DNAH17: variants seen among roughly 807,000 people sequenced by gnomAD.
DNAH17 encodes axonemal beta dynein heavy chain 17.
Under a neutral mutation model 485.6 loss-of-function variants are expected in DNAH17, and 376 were observed. That is an observed-to-expected ratio of 0.77 (90% CI 0.71 to 0.84). The LOEUF (loss-of-function observed/expected upper bound fraction) is 0.84. DNAH17 is among the 40% of genes least tolerant of loss of function. The pLI is 0.00. For synonymous variants in DNAH17, 3,031 were observed against 2,405.9 expected (o/e 1.26, Z -7.60); for missense variants, 6,370 against 5,839.3 (o/e 1.09, Z -2.96).
chr17:78,451,415 C>A (rs1374402420), intron 66 of DNAH17, 54 bp downstream of exon 66: 9 of 1,521,556 alleles, frequency 5.9e-6, no homozygotes, highest in Non-Finnish European at 8.9e-7. Context: ...GTGACCTGGC[C>A]CCCTCTGTGT....
chr17:78,467,305 C>G (rs554606125), intron 55 of DNAH17, among the ~76,000 whole-genome samples: 98 of 152,346 alleles, frequency 6.4e-4, no homozygotes, highest in Non-Finnish European at 2.2e-4. Context: ...TGTAATGGGT[C>G]TCAGCCTCCC....
At chr17:78,518,796 G>A (rs990171672) in intron 25 of DNAH17, among the ~76,000 whole-genome samples, 2 of 152,166 alleles carry the variant, frequency 1.3e-5, no homozygotes, top group African/African-American at 4.8e-5. Flanking sequence ...GTTATATACA[G>A]TGTGTTCTTT....
intron 14 of DNAH17, among the ~76,000 whole-genome samples, chr17:78,557,636 CAAAAAAAAAAAAAA>C (rs34251460): frequency 1.0e-4 from 3 of 29,014 alleles, no homozygotes; most frequent in East Asian, 1.7e-3. Context: ...GAGACTGTCT[CAAAAAAAAAAAAAA>C]AAAAAAAAAA....
intron 41 of DNAH17, 97 bp from the exon 42 acceptor site, chr17:78,492,862 T>TTTTTTTTTTTC: frequency 1.9e-6 from 2 of 1,071,246 alleles, no homozygotes; most frequent in Non-Finnish European, 1.3e-6. Flanking sequence ...ATGGTTTTTT[T>TTTTTTTTTTTC]TTTTTTGAGA....
In DNAH17 at chr17:78,506,552, G is replaced by A. The variant is rs6501226; in HGVS notation, c.4803+168C>T. Among the ~76,000 whole-genome samples the A allele has an allele frequency of 0.67, 102,476 of 152,042 alleles. 34,844 individuals carry two copies. Among genetic ancestry groups the A allele is most frequent in the African/African-American group, 0.74 (30,734 of 41,452 alleles). On this transcript the variant is annotated intron_variant, in intron 30 of 80. Transcript: ENST00000389840. ...GTGAGGCGAGTCCTGCCACGTTTCT[G>A]CCATGGCTGGGGACCCCAGGGCAGC...
Position 78,427,018 on chromosome 17 carries a change from A to G in DNAH17, c.12679T>C (p.Tyr4227His). The change falls in exon 78 of 81, where the codon TAC (tyrosine) becomes CAC (histidine). Residue 4227 changes from tyrosine to histidine, a missense_variant. By Grantham distance (83) the Tyr-to-His change is moderately conservative. Coordinates refer to ENST00000389840, the MANE Select transcript of DNAH17 (RefSeq NM_173628.4). ...IMAKAAEKTP[Y>H]VVVAFQECER... is the part of the protein sequence containing the mutation. ...CATTCTTGAAAGGCGACTACCACGTAGGGGGTCTTTTCCGCTGCCTTTGCC... is the reference window on the plus strand; with the variant it reads ...CATTCTTGAAAGGCGACTACCACGTGGGGGGTCTTTTCCGCTGCCTTTGCC... 1.2e-6 allele frequency: 2 copies of G among 1,608,508 alleles called. No homozygotes were observed. Among genetic ancestry groups the G allele is most frequent in the Non-Finnish European group, 1.7e-6 (2 of 1,177,592 alleles).
intron 77 of DNAH17, among the ~76,000 whole-genome samples, chr17:78,427,496 G>C (rs2086517222): frequency 6.6e-6 from 1 of 152,202 alleles, no homozygotes; most frequent in Admixed American, 6.5e-5. Context: ...CCCTGTTAAG[G>C]AGTGGCCCAC....
chr17:78,428,728 T>G (rs756814353), intron 76 of DNAH17, 21 bp from the exon 77 acceptor site: 2 of 1,612,636 alleles, frequency 1.2e-6, no homozygotes, highest in Non-Finnish European at 1.7e-6. Flanking sequence ...GGGCAGTTTG[T>G]AAGCAGAGGC....
rs2088029685 is a variant in DNAH17, at chr17:78,460,183, C to T, written c.9414G>A (p.Glu3138=). 6.2e-7 allele frequency: 1 copy of T among 1,608,510 alleles called. No homozygotes were observed. The highest frequency in any genetic ancestry group is 8.5e-7 in the Non-Finnish European group (1 of 1,177,124). ...KAEPALLAAQ[E]ALDTLNKNNL... is the part of the protein sequence containing the mutation. ...TTACCTTATTCAGAGTGTCCAGAGCCTCCTGGGCTGCCAGCAGGGCCGGTT... is the reference window on the plus strand; with the variant it reads ...TTACCTTATTCAGAGTGTCCAGAGCTTCCTGGGCTGCCAGCAGGGCCGGTT... Residue 3138 remains glutamate, a synonymous_variant, in exon 59 of 81, where the codon GAG becomes GAA. Coordinates refer to ENST00000389840, the MANE Select transcript of DNAH17 (RefSeq NM_173628.4).
intron 18 of DNAH17, among the ~76,000 whole-genome samples, chr17:78,538,833 T>C (rs1394204912): frequency 1.3e-5 from 2 of 152,190 alleles, no homozygotes; most frequent in Non-Finnish European, 2.9e-5. Flanking sequence ...CCCTGGTCGG[T>C]ACAAGGGCAC....
At chr17:78,548,015 C>T (rs1314709504) in intron 16 of DNAH17, among the ~76,000 whole-genome samples, 3 of 152,122 alleles carry the variant, frequency 2.0e-5, no homozygotes, top group Non-Finnish European at 2.9e-5. Flanking sequence ...TAGCAATTTC[C>T]TAAAATTGTC....
At position 78,470,425 on chromosome 17, in the gene DNAH17, C is replaced by T. The variant is rs369732148; in HGVS notation, c.8512-1542G>A. 5.3e-5 allele frequency among the ~76,000 whole-genome samples: 8 copies of T among 151,554 alleles called. No individual in the cohort carries two copies. In the South Asian group the frequency reaches 1.7e-3, roughly 32 times the overall value. On this transcript the variant is annotated intron_variant, in intron 54 of 80. Transcript: ENST00000389840. Reference sequence around the variant, plus strand: ...AAAAAACAGGCCGGGCACGGTGGCTCACACCTGTAATCCCAGCACTTTGGG... The same window carrying T: ...AAAAAACAGGCCGGGCACGGTGGCTTACACCTGTAATCCCAGCACTTTGGG...
At chr17:78,536,666 G>A (rs1356933060) in intron 19 of DNAH17, among the ~76,000 whole-genome samples, 1 of 152,050 alleles carries the variant, frequency 6.6e-6, no homozygotes, top group South Asian at 2.1e-4. Flanking sequence ...GGGTGACAGA[G>A]TGAGACCTTG....
At chr17:78,479,672 T>C in intron 49 of DNAH17, 40 bp from the exon 50 acceptor site, 2 of 1,607,732 alleles carry the variant, frequency 1.2e-6, no homozygotes, top group Non-Finnish European at 1.7e-6. Context: ...AGCCAGCTCT[T>C]GGGGACCTGC....
intron 36 of DNAH17, chr17:78,499,916 G>C (rs1239185114): frequency 5.6e-6 from 1 of 177,040 alleles, no homozygotes; most frequent in Non-Finnish European, 1.2e-5. Context: ...TGACTGATGG[G>C]ACCGGGCCAA....
At position 78,440,042 on chromosome 17, in the gene DNAH17, TTCTG is replaced by T. The variant is rs1188801962; in HGVS notation, c.11678-829_11678-826del. ...TCCACTCCCCAAGCTCAAGTGATCC[TTCTG>T]CCTTGGCCTCCAGAGTAGCTGGGAC... On this transcript the variant is annotated intron_variant, in intron 72 of 80. Transcript: ENST00000389840. Among the ~76,000 whole-genome samples, 220 of 151,986 alleles carry T rather than the reference TTCTG, an allele frequency of 1.4e-3. 1 individual carries two copies. The highest frequency in any genetic ancestry group is 2.6e-3 in the Non-Finnish European group (180 of 67,972).
chr17:78,478,741 C>A (rs969398735), intron 51 of DNAH17: 5 of 394,762 alleles, frequency 1.3e-5, no homozygotes, highest in African/African-American at 1.0e-4. Flanking sequence ...CCACCATCAT[C>A]ACCATCACCA....
chr17:78,552,877 T>C, intron 14 of DNAH17, 72 bp from the exon 15 acceptor site: 1 of 1,044,336 alleles, frequency 9.6e-7, no homozygotes, highest in Non-Finnish European at 1.5e-6. Flanking sequence ...TAAGGACCTT[T>C]TATTCCTCAA....
At chr17:78,571,150 G>C (rs1406683695) in intron 5 of DNAH17, 117 bp from the exon 6 acceptor site, 1 of 1,278,420 alleles carries the variant, frequency 7.8e-7, no homozygotes, top group East Asian at 2.5e-5. Context: ...CCTTTCTCAA[G>C]TGGAGGGGGC....
Sources: allele counts gnomAD v4.1 joint callset (sites outside exome capture counted in the v4.1 genomes callset), GRCh38; gene constraint gnomAD v4.1.1; transcripts MANE v1.5; gene names NCBI Gene and HGNC (gene_info 2026-07-23, HGNC 2026-07-21).